FRZB: variants seen among roughly 807,000 people sequenced by gnomAD.
The protein encoded by FRZB is frizzled related protein.
FRZB carries 34 observed loss-of-function variants against 32.5 expected under a neutral mutation model. The ratio of observed to expected loss-of-function variants is 1.05; its 90% CI spans 0.80 to 1.39. The LOEUF (loss-of-function observed/expected upper bound fraction) is 1.39. Among genes scored for constraint, FRZB ranks in the 40% most tolerant of loss-of-function variants. The probability of loss-of-function intolerance (pLI) is 0.00; values close to 1 mark genes in which losing one functional copy is unlikely to be tolerated. For missense variants in FRZB, 423 were observed against 424.8 expected (o/e 1.00, Z 0.04); for synonymous variants, 170 against 159.2 (o/e 1.07, Z -0.51).
Position 182,834,959 on chromosome 2 carries a change from C to T in FRZB, c.868G>A (p.Asp290Asn), listed in dbSNP as rs774745088. ...DRLGKKVKRW[D>N]MKLRHLGLSK... The stretch of plus-strand genomic sequence containing the variant: ...AGTCCAAGATGACGAAGCTTCATAT[C>T]CCAGCGCTGTGAAATTTAAAATAGA... The change falls in exon 6 of 6, where the codon GAT (aspartate) becomes AAT (asparagine). Residue 290 changes from aspartate (D) to asparagine (N), a missense_variant. Physicochemically the swap from Asp to Asn is conservative, Grantham distance 23 (BLOSUM62 1). Transcript: ENST00000295113. 6.2e-7 allele frequency: 1 copy of T among 1,607,176 alleles called. No homozygotes were observed. Among genetic ancestry groups the T allele is most frequent in the East Asian group, 2.2e-5 (1 of 44,808 alleles).
chr2:182,834,648 GC>G lies in FRZB; in HGVS notation c.*200del, dbSNP rs1695503516. The G allele has an allele frequency of 3.5e-6, 2 of 578,814 alleles. No individual in the cohort carries two copies. The highest frequency in any genetic ancestry group is 6.2e-6 in the Non-Finnish European group (2 of 322,494). The allele number at this position is 578,814 out of a possible 1,614,324, so 35.9% of individuals were successfully genotyped here. On this transcript the variant is annotated 3_prime_UTR_variant, in exon 6 of 6. Coordinates refer to ENST00000295113, the MANE Select transcript of FRZB (RefSeq NM_001463.4). ...AAACTCACAATATACTTAAGAGTCT[GC>G]CCCCAAACCATTACAAAGGGGTTGA...
intron 2 of FRZB, among the ~76,000 whole-genome samples, chr2:182,856,787 T>C (rs1191165828): frequency 6.6e-6 from 1 of 151,484 alleles, no homozygotes; most frequent in African/African-American, 2.4e-5. Flanking sequence ...TAAACAAGTA[T>C]GTACCAAACA....
chr2:182,848,145 A>C (rs1695666623), intron 2 of FRZB, among the ~76,000 whole-genome samples: 1 of 152,068 alleles, frequency 6.6e-6, no homozygotes, highest in African/African-American at 2.4e-5. Flanking sequence ...GCAGGCAAAG[A>C]ATGGGATTCT....
intron 3 of FRZB, among the ~76,000 whole-genome samples, chr2:182,838,926 A>C (rs1404010327): frequency 1.3e-5 from 2 of 152,146 alleles, no homozygotes; most frequent in South Asian, 4.1e-4. Context: ...CAACAATCTG[A>C]TACAATTTTT....
intron 5 of FRZB, among the ~76,000 whole-genome samples, chr2:182,835,966 C>T (rs1336698118): frequency 6.6e-6 from 1 of 152,042 alleles, no homozygotes; most frequent in Non-Finnish European, 1.5e-5. Context: ...ATAATAGAAT[C>T]TACTTATAAG....
rs568283969 is a variant in FRZB at position 182,841,092 on chromosome 2, G to A, written c.592+1386C>T. On this transcript the variant is annotated intron_variant, in intron 3 of 5. Coordinates refer to ENST00000295113, the MANE Select transcript of FRZB (RefSeq NM_001463.4). ...CTTCACATCAATCTGTAAAGAAGCG[G>A]GTTCTTAGATAAGCAGCCAGGCATT... Among the ~76,000 whole-genome samples the A allele has an allele frequency of 3.3e-5, 5 of 152,104 alleles. No homozygotes were observed. The South Asian group carries it at 1.0e-3, about 31-fold the overall frequency.
chr2:182,840,284 TGTGTGTCCTGGCTTAA>T (rs1695574130), intron 3 of FRZB, among the ~76,000 whole-genome samples: 1 of 152,138 alleles, frequency 6.6e-6, no homozygotes, highest in Non-Finnish European at 1.5e-5. Flanking sequence ...CAGGCATTTT[TGTGTGTCCTGGCTTAA>T]GTGAACGTGC....
At position 182,866,570 on chromosome 2, in the gene FRZB, G is replaced by A; in HGVS notation, c.-18C>T. 1.4e-6 allele frequency: 2 copies of A among 1,429,236 alleles called. No homozygotes were observed. Among genetic ancestry groups the A allele is most frequent in the Non-Finnish European group, 1.8e-6 (2 of 1,092,312 alleles). 88.5% of individuals were successfully genotyped at this position (1,429,236 alleles called of 1,614,324 possible). ...CAGACCATGATCCCGGCAGGATGGGGCAGGGTGCAGCCGCGCAGTGGACGC... is the reference window on the plus strand; with the variant it reads ...CAGACCATGATCCCGGCAGGATGGGACAGGGTGCAGCCGCGCAGTGGACGC... On this transcript the variant is annotated 5_prime_UTR_variant, in exon 1 of 6. Coordinates refer to ENST00000295113, the MANE Select transcript of FRZB (RefSeq NM_001463.4). This position sits in a 1 kb window ranked among gnomAD's most constrained non-coding sequence, Gnocchi z 4.5.
At chr2:182,840,307 G>A (rs1009086331) in intron 3 of FRZB, among the ~76,000 whole-genome samples, 1 of 152,060 alleles carries the variant, frequency 6.6e-6, no homozygotes, top group Non-Finnish European at 1.5e-5. Flanking sequence ...TTAAGTGAAC[G>A]TGCTTCATAG....
intron 2 of FRZB, among the ~76,000 whole-genome samples, chr2:182,854,838 A>G (rs558735959): frequency 1.3e-5 from 2 of 152,326 alleles, no homozygotes; most frequent in South Asian, 4.1e-4. Flanking sequence ...CTTTCTAGCC[A>G]AAGGACCAAA....
intron 2 of FRZB, among the ~76,000 whole-genome samples, chr2:182,856,206 T>C (rs746191259): frequency 1.8e-4 from 28 of 151,958 alleles, no homozygotes; most frequent in African/African-American, 4.3e-4. Context: ...GAAGGAAGTA[T>C]GGAATGTTGG....
chr2:182,849,343 G>A (rs150533203), intron 2 of FRZB, among the ~76,000 whole-genome samples: 1 of 152,088 alleles, frequency 6.6e-6, no homozygotes, highest in East Asian at 1.9e-4. Context: ...TTTAAATGCA[G>A]CATACACTTA....
chr2:182,835,916 CT>C (rs1695520114), intron 5 of FRZB, among the ~76,000 whole-genome samples: 1 of 152,074 alleles, frequency 6.6e-6, no homozygotes, highest in African/African-American at 2.4e-5. Flanking sequence ...GTTTCTTGAA[CT>C]TACTAGACCT....
chr2:182,843,106 C>G (rs1228350160), intron 2 of FRZB, among the ~76,000 whole-genome samples: 1 of 152,132 alleles, frequency 6.6e-6, no homozygotes, highest in African/African-American at 2.4e-5. Context: ...GGTAAAATAG[C>G]TACCATTCAA....
chr2:182,844,887 G>T (rs1695623655), intron 2 of FRZB, among the ~76,000 whole-genome samples: 1 of 151,930 alleles, frequency 6.6e-6, no homozygotes, highest in East Asian at 1.9e-4. Context: ...TCTTATTTCT[G>T]CTGGTCTCCA....
intron 2 of FRZB, among the ~76,000 whole-genome samples, chr2:182,845,618 G>C (rs1171473047): frequency 1.3e-5 from 2 of 152,186 alleles, no homozygotes; most frequent in Non-Finnish European, 2.9e-5. Context: ...AGGCTAAGTA[G>C]TGACAAAGAG....
intron 1 of FRZB, among the ~76,000 whole-genome samples, chr2:182,863,703 TG>T (rs1695859477): frequency 1.3e-5 from 2 of 152,240 alleles, no homozygotes; most frequent in African/African-American, 4.8e-5. Flanking sequence ...CCTTGCTTTG[TG>T]AACTATCACT....
chr2:182,854,183 A>G (rs1439351121), intron 2 of FRZB, among the ~76,000 whole-genome samples: 1 of 152,128 alleles, frequency 6.6e-6, no homozygotes, highest in Non-Finnish European at 1.5e-5. Context: ...AGTGCTGGTA[A>G]TGTTACATAT....
In FRZB at chr2:182,858,770, A is replaced by G. The variant is rs767871264; in HGVS notation, c.526+16T>C. 6.3e-7 allele frequency: 1 copy of G among 1,588,594 alleles called. No homozygotes were observed. The highest frequency in any genetic ancestry group is 8.6e-7 in the Non-Finnish European group (1 of 1,161,282). On this transcript the variant is annotated intron_variant, in intron 2 of 5. Coordinates refer to ENST00000295113, the MANE Select transcript of FRZB (RefSeq NM_001463.4). The stretch of plus-strand genomic sequence containing the variant: ...CTGACCACAAATGAAAACCAGGAAG[A>G]TAATGATATACTCACCACTGCTTGC...
Sources: gnomAD v4.1 joint callset for allele counts (sites outside exome capture counted in the v4.1 genomes callset) on GRCh38, gnomAD v4.1.1 for gene constraint, Gnocchi (gnomAD v3.1) non-coding constraint, MANE v1.5 for transcripts, NCBI Gene and HGNC (gene_info 2026-07-23, HGNC 2026-07-21) for gene names.